The following AP3D1 variants were observed in gnomAD, a reference collection of about 807,000 sequenced individuals.
The protein encoded by AP3D1 is adaptor related protein complex 3 subunit delta 1, also known as AP-3 complex subunit delta-1.
A neutral mutation model predicts 147.6 loss-of-function variants in AP3D1; 51 were observed. The observed-to-expected ratio is 0.35, with a 90% confidence interval of 0.28 to 0.44. The LOEUF is 0.44. AP3D1 is among the 20% of genes least tolerant of loss of function. AP3D1 has a pLI of 1.00. For missense variants in AP3D1, 1,421 were observed against 1,624.2 expected (o/e 0.87, Z 2.15); for synonymous variants, 760 against 663.0 (o/e 1.15, Z -2.25).
rs767344864 is a variant in AP3D1 at position 2,130,550 on chromosome 19, G to T, written c.463-13C>A. 3 of 1,613,526 alleles carry T rather than the reference G, an allele frequency of 1.9e-6. No individual in the cohort carries two copies. The South Asian group carries it at 3.3e-5, about 18-fold the overall frequency. ...TGGTGTGTGACATCTGCGGGGCAGCGGGCTTCAGCCTGCGCGGGCTTTCTG... is the reference window on the plus strand; with the variant it reads ...TGGTGTGTGACATCTGCGGGGCAGCTGGCTTCAGCCTGCGCGGGCTTTCTG... On this transcript the variant is annotated splice_polypyrimidine_tract_variant and intron_variant, in intron 5 of 31. Transcript: ENST00000643116.
At position 2,110,724 on chromosome 19, in the gene AP3D1, G is replaced by C. The variant is rs201595321; in HGVS notation, c.3158C>G (p.Pro1053Arg). 209 of 1,603,680 alleles carry C rather than the reference G, an allele frequency of 1.3e-4. 1 individual carries two copies. The highest frequency in any genetic ancestry group is 1.7e-4 in the Non-Finnish European group (196 of 1,176,504). ...GSSVHDGVPV[P>R]FQLPPGVSNE... ...GGGCTCACCTGGGGGCAGCTGGAAAGGCACGGGGACGCCATCGTGGACGGA... is the reference window on the plus strand; with the variant it reads ...GGGCTCACCTGGGGGCAGCTGGAAACGCACGGGGACGCCATCGTGGACGGA... Residue 1053 changes from proline (P) to arginine (R), a missense_variant, in exon 27 of 32, where the codon CCT becomes CGT. By Grantham distance (103) the Pro-to-Arg change is moderately radical. Coordinates refer to ENST00000643116, the MANE Select transcript of AP3D1 (RefSeq NM_001261826.3).
chr19:2,162,018 GA>G (rs1374140919), intron 1 of AP3D1, among the ~76,000 whole-genome samples: 1 of 142,802 alleles, frequency 7.0e-6, no homozygotes, highest in Non-Finnish European at 1.5e-5. Flanking sequence ...CAACAACAAA[GA>G]AAAAGCCCAT....
intron 9 of AP3D1, among the ~76,000 whole-genome samples, chr19:2,126,457 C>A (rs1361528629): frequency 6.6e-6 from 1 of 152,006 alleles, no homozygotes; most frequent in African/African-American, 2.4e-5. Context: ...AGTTCGAGAC[C>A]AGCCTGATCA....
In AP3D1 at chr19:2,151,439, T is replaced by C. The variant is rs1648152985; in HGVS notation, c.-105A>G. The stretch of plus-strand genomic sequence containing the variant: ...CGCGGAGCGCCGCGCTGCCGGCCGC[T>C]GCGGCGGGGCAAGCTCCCAGGCCAG... On this transcript the variant is annotated 5_prime_UTR_variant, in exon 1 of 32. Transcript: ENST00000643116. The C allele has an allele frequency of 4.4e-6, 3 of 681,350 alleles. No homozygotes were observed. The highest frequency in any genetic ancestry group is 5.9e-5 in the Admixed American group (1 of 16,958). The allele number at this position is 681,350 out of a possible 1,614,324, so 42.2% of individuals were successfully genotyped here. A position where few individuals can be genotyped will look rare whatever the true frequency, so the allele number is the denominator to read the frequency against.
chr19:2,122,171 C>G (rs1031509983), intron 11 of AP3D1, among the ~76,000 whole-genome samples: 18 of 151,946 alleles, frequency 1.2e-4, no homozygotes, highest in African/African-American at 3.6e-4. Flanking sequence ...CCTCTTCCCA[C>G]CCAGCCAGTG....
intron 4 of AP3D1, among the ~76,000 whole-genome samples, chr19:2,134,740 T>A (rs2019034661): frequency 6.6e-6 from 1 of 151,446 alleles, no homozygotes; most frequent in Non-Finnish European, 1.5e-5. Flanking sequence ...TAGCTGGGAT[T>A]ATAGGCACGC....
At position 2,118,641 on chromosome 19, in the gene AP3D1, G is replaced by T. The variant is rs747487640; in HGVS notation, c.1673C>A (p.Pro558His). The stretch of plus-strand genomic sequence containing the variant: ...CAGGTCTGCGCTCTGCACAAACTGG[G>T]GCAGCCGGTCCACCATGAGCTGGGT... ...AVTQLMVDRL[P>H]QFVQSADLEV... Residue 558 changes from proline to histidine, a missense_variant, in exon 15 of 32, where the codon CCC (proline) becomes CAC (histidine). Physicochemically the swap from Pro to His is moderately conservative, Grantham distance 77. Around this residue, in one of 6 missense-constraint regions of AP3D1, gnomAD observed 310 missense variants for 388.1 expected, o/e 0.80. Coordinates refer to ENST00000643116, the MANE Select transcript of AP3D1 (RefSeq NM_001261826.3). The T allele has an allele frequency of 4.9e-5, 79 of 1,612,062 alleles. No homozygotes were observed. The highest frequency in any genetic ancestry group is 6.6e-5 in the Non-Finnish European group (78 of 1,180,016).
intron 31 of AP3D1, among the ~76,000 whole-genome samples, chr19:2,104,703 G>A (rs949081168): frequency 5.7e-5 from 7 of 123,320 alleles, no homozygotes; most frequent in African/African-American, 2.0e-4. Flanking sequence ...GTCTCACTCT[G>A]TTGCCCAGGC....
At chr19:2,113,467 G>T in intron 22 of AP3D1, 54 bp from the exon 23 acceptor site, 1 of 1,117,166 alleles carries the variant, frequency 9.0e-7, no homozygotes, top group Non-Finnish European at 1.2e-6. Context: ...CCTGGGAAGA[G>T]GGGACGGGGA....
chr19:2,130,486 T>C lies in AP3D1; in HGVS notation c.514A>G (p.Lys172Glu), dbSNP rs1469902965. 1 of 1,614,032 alleles carries C rather than the reference T, an allele frequency of 6.2e-7. No homozygotes were observed. Among genetic ancestry groups the C allele is most frequent in the Non-Finnish European group, 8.5e-7 (1 of 1,179,990 alleles). The change falls in exon 6 of 32, where the codon AAG becomes GAG. Residue 172 changes from lysine (K) to glutamate (E), a missense_variant. Transcript: ENST00000643116. ...GACTCGGGGTACTTCAGGAACACCT[T>C]GTACATGATCAGCACAGCCTTCTTC... The part of the protein sequence containing the change: ...IRKKAVLIMY[K>E]VFLKYPESLR...
chr19:2,110,266 G>T, intron 27 of AP3D1, 42 bp from the exon 28 acceptor site: 1 of 1,555,844 alleles, frequency 6.4e-7, no homozygotes, highest in Non-Finnish European at 8.8e-7. Context: ...ACGCTGCGGG[G>T]GCTCAGCATG....
intron 9 of AP3D1, among the ~76,000 whole-genome samples, chr19:2,124,768 C>CT (rs1203663148): frequency 6.6e-6 from 1 of 152,152 alleles, no homozygotes; most frequent in Non-Finnish European, 1.5e-5. Context: ...TGGAGAAACT[C>CT]TGTCTCTACT....
intron 6 of AP3D1, 147 bp from the exon 7 acceptor site, chr19:2,129,604 G>A: frequency 2.0e-6 from 2 of 1,006,590 alleles, no homozygotes; most frequent in Middle Eastern, 2.4e-4. Flanking sequence ...CCTGGTGACA[G>A]GGACAGCAGC....
chr19:2,158,043 C>T (rs1259808301), intron 1 of AP3D1, among the ~76,000 whole-genome samples: 3 of 151,950 alleles, frequency 2.0e-5, no homozygotes, highest in Non-Finnish European at 4.4e-5. Flanking sequence ...CTTCCCTCCA[C>T]GGCTCAGCAG....
intron 1 of AP3D1, among the ~76,000 whole-genome samples, chr19:2,141,239 G>A (rs2019212028): frequency 6.6e-6 from 1 of 152,052 alleles, no homozygotes; most frequent in African/African-American, 2.4e-5. Flanking sequence ...AAACACCTCA[G>A]CTAGTTCCAC....
intron 23 of AP3D1, 102 bp from the exon 24 acceptor site, chr19:2,113,069 C>T (rs2018332195): frequency 1.1e-5 from 9 of 842,448 alleles, no homozygotes; most frequent in South Asian, 8.7e-5. Context: ...CTTGCCCTCA[C>T]GCCTGCCTGA....
chr19:2,111,299 A>C lies in AP3D1; in HGVS notation c.2971T>G (p.Ser991Ala), dbSNP rs777668504. 1.2e-6 allele frequency: 2 copies of C among 1,614,028 alleles called. No individual in the cohort carries two copies. Among genetic ancestry groups the C allele is most frequent in the South Asian group, 2.2e-5 (2 of 91,086 alleles). Residue 991 changes from serine (S) to alanine (A), a missense_variant, in exon 26 of 32, where the codon TCC (serine) becomes GCC (alanine). By Grantham distance (99) the Ser-to-Ala change is moderately conservative. Coordinates refer to ENST00000643116, the MANE Select transcript of AP3D1 (RefSeq NM_001261826.3). The stretch of plus-strand genomic sequence containing the variant: ...CTGCCACTCACCATTTTAACATAGG[A>C]ATTTTCAGCGAGGAGGGAGTAGCTG... ...ESSYSLLAEN[S>A]YVKMTCDIRG...
chr19:2,118,474 G>T (rs2018518539), intron 15 of AP3D1, 127 bp downstream of exon 15: 2 of 927,852 alleles, frequency 2.2e-6, no homozygotes, highest in Admixed American at 5.2e-5. Flanking sequence ...GGCACAAGTG[G>T]CAACAAAAGA....
intron 1 of AP3D1, among the ~76,000 whole-genome samples, chr19:2,146,476 C>T (rs926752798): frequency 6.6e-6 from 1 of 151,970 alleles, no homozygotes; most frequent in Non-Finnish European, 1.5e-5. Context: ...TGATGGCGGC[C>T]ACCTGTAATC....
Sources: gnomAD v4.1 joint callset for allele counts (sites outside exome capture counted in the v4.1 genomes callset) on GRCh38, gnomAD v4.1.1 for gene constraint, gnomAD v4.1.1 regional missense constraint, MANE v1.5 for transcripts, NCBI Gene and HGNC (gene_info 2026-07-23, HGNC 2026-07-21) for gene names.